BAZ2B: variants seen among roughly 807,000 people sequenced by gnomAD.
BAZ2B encodes bromodomain adjacent to zinc finger domain 2B, also known as bromodomain adjacent to zinc finger domain protein 2B.
BAZ2B carries 91 observed loss-of-function variants against 246.0 expected under a neutral mutation model. That is an observed-to-expected ratio of 0.37 (90% CI 0.31 to 0.44). BAZ2B has a LOEUF of 0.44. BAZ2B is among the 20% of genes least tolerant of loss of function. The pLI is 1.00. For missense variants in BAZ2B, 2,332 were observed against 2,533.7 expected (o/e 0.92, Z 1.71); for synonymous variants, 855 against 860.0 (o/e 0.99, Z 0.10).
chr2:159,332,814 T>A, intron 33 of BAZ2B, 128 bp from the exon 34 acceptor site: 1 of 1,060,710 alleles, frequency 9.4e-7, no homozygotes, highest in Non-Finnish European at 1.4e-6. Flanking sequence ...AAATATACAG[T>A]AGCCATACAC....
chr2:159,464,007 T>G (rs2076735984), intron 3 of BAZ2B: 2 of 152,066 alleles, frequency 1.3e-5, no homozygotes, highest in Admixed American at 1.3e-4. Flanking sequence ...CCCAGCCTAT[T>G]TTTATTTTTA....
At chr2:159,650,275 G>C in the BAZ2B span, among the ~76,000 whole-genome samples, 1 of 149,948 alleles carries the variant, frequency 6.7e-6, no homozygotes, top group Admixed American at 6.7e-5. Flanking sequence ...TTTATCTTGT[G>C]AGGTGCTGAA....
chr2:159,332,393 C>T (rs1575679045), intron 34 of BAZ2B, 147 bp downstream of exon 34: 1 of 743,714 alleles, frequency 1.3e-6, no homozygotes, highest in East Asian at 2.9e-5. Flanking sequence ...AGATTGAGGC[C>T]AGAGGATAGC....
intron 13 of BAZ2B, among the ~76,000 whole-genome samples, chr2:159,417,827 G>C (rs1477189100): frequency 6.6e-6 from 1 of 152,158 alleles, no homozygotes; most frequent in Non-Finnish European, 1.5e-5. Flanking sequence ...TCAATTCTAA[G>C]GCAGGTGACC....
At chr2:159,337,320 G>T (rs1439870369) in intron 32 of BAZ2B, 1 of 1,152,002 alleles carries the variant, frequency 8.7e-7, no homozygotes, top group East Asian at 2.6e-5. Flanking sequence ...CAAAAAAAAA[G>T]TTTTTACAAA....
intron 2 of BAZ2B, among the ~76,000 whole-genome samples, chr2:159,552,057 A>C (rs1177052184): frequency 1.3e-5 from 2 of 152,194 alleles, no homozygotes; most frequent in African/African-American, 4.8e-5. Flanking sequence ...CCATGTCCTT[A>C]ACTATTATGT....
intron 2 of BAZ2B, among the ~76,000 whole-genome samples, chr2:159,546,093 C>T (rs1404994177): frequency 6.6e-6 from 1 of 152,048 alleles, no homozygotes; most frequent in Non-Finnish European, 1.5e-5. Context: ...GCTATTTCTC[C>T]ATTATTTTTC....
intron 21 of BAZ2B, among the ~76,000 whole-genome samples, chr2:159,389,093 A>AC (rs756412237): frequency 6.7e-6 from 1 of 148,884 alleles, no homozygotes; most frequent in East Asian, 2.0e-4. Context: ...CTGTCTGAAA[A>AC]CAACCAACCA....
chr2:159,424,102 A>G (rs996423245), intron 13 of BAZ2B, among the ~76,000 whole-genome samples: 2 of 152,258 alleles, frequency 1.3e-5, no homozygotes, highest in Non-Finnish European at 2.9e-5. Flanking sequence ...GCATGTAAAT[A>G]TGCCACAATA....
At chr2:159,707,507 A>C in the BAZ2B span, among the ~76,000 whole-genome samples, 1 of 152,108 alleles carries the variant, frequency 6.6e-6, no homozygotes, top group Non-Finnish European at 1.5e-5. Flanking sequence ...CCTGGCCAAC[A>C]TGGTGAAACC....
chr2:159,455,773 T>G (rs1278930756), intron 3 of BAZ2B, among the ~76,000 whole-genome samples: 3 of 146,264 alleles, frequency 2.1e-5, no homozygotes, highest in African/African-American at 5.0e-5. Flanking sequence ...GTTTTTTTTT[T>G]TTTTTTTTTT....
At position 159,606,577 on chromosome 2, in the gene BAZ2B, T is replaced by TA. The variant is rs970694891; in HGVS notation, c.-46+9664dup. Among the ~76,000 whole-genome samples the TA allele has an allele frequency of 2.0e-4, 31 of 152,296 alleles. No individual in the cohort carries two copies. In the East Asian group the frequency reaches 2.7e-3, roughly 13 times the overall value. Reference sequence around the variant, plus strand: ...AGTAAGCATGGCTTTGAACTAAACTTAGACACTAGATAACTTTTTATTTCC... The same window carrying TA: ...AGTAAGCATGGCTTTGAACTAAACTTAAGACACTAGATAACTTTTTATTTCC... On this transcript the variant is annotated intron_variant, in intron 1 of 36. Coordinates refer to ENST00000392783, the MANE Select transcript of BAZ2B (RefSeq NM_013450.4).
chr2:159,627,189 C>T, the BAZ2B span, among the ~76,000 whole-genome samples: 2 of 151,954 alleles, frequency 1.3e-5, no homozygotes, highest in African/African-American at 4.8e-5. Flanking sequence ...TCCTACCACA[C>T]AAAAAAAGTC....
intron 1 of BAZ2B, among the ~76,000 whole-genome samples, chr2:159,558,953 C>T (rs1319498011): frequency 6.6e-6 from 1 of 152,066 alleles, no homozygotes; most frequent in Non-Finnish European, 1.5e-5. Flanking sequence ...AAGGTAGCTA[C>T]ATAGGCCAGG....
chr2:159,616,215 C>G (rs116233203), intron 1 of BAZ2B, 27 bp downstream of exon 1: 1 of 152,264 alleles, frequency 6.6e-6, no homozygotes, highest in Non-Finnish European at 1.5e-5. Context: ...CACCCGCACC[C>G]CTCACGCCCG....
At chr2:159,552,904 A>G (rs1220970124) in intron 2 of BAZ2B, among the ~76,000 whole-genome samples, 1 of 152,218 alleles carries the variant, frequency 6.6e-6, no homozygotes, top group Non-Finnish European at 1.5e-5. Context: ...CAGGGAGATG[A>G]TTATATGTGG....
intron 2 of BAZ2B, among the ~76,000 whole-genome samples, chr2:159,554,863 G>T (rs1017394054): frequency 9.2e-5 from 14 of 151,664 alleles, no homozygotes; most frequent in African/African-American, 3.4e-4. Flanking sequence ...TTTTCTTTAG[G>T]TAATATATGT....
At chr2:159,697,988 GT>G in the BAZ2B span, among the ~76,000 whole-genome samples, 6 of 151,922 alleles carry the variant, frequency 3.9e-5, no homozygotes, top group Non-Finnish European at 5.9e-5. Flanking sequence ...CTCAGCTTTT[GT>G]TTTTTCATAT....
chr2:159,463,012 G>C, intron 3 of BAZ2B: 1 of 761,938 alleles, frequency 1.3e-6, no homozygotes. Flanking sequence ...CTATTACCCA[G>C]GTCCCCCATG....
Sources: gnomAD v4.1 joint callset for allele counts (sites outside exome capture counted in the v4.1 genomes callset) on GRCh38, gnomAD v4.1.1 for gene constraint, MANE v1.5 for transcripts, NCBI Gene and HGNC (gene_info 2026-07-23, HGNC 2026-07-21) for gene names.